Variants in CREBBP observed in about 807,000 individuals in gnomAD.
CREBBP encodes the protein CREB binding lysine acetyltransferase.
In CREBBP, 19 loss-of-function variants were observed where a neutral mutation model predicts 265.0. The observed-to-expected ratio is 0.07, with a 90% CI of 0.05 to 0.11. The LOEUF is 0.11. CREBBP is among the 10% of genes least tolerant of loss of function. The pLI is 1.00. For synonymous variants in CREBBP, 1,457 were observed against 1,223.7 expected (o/e 1.19, Z -3.98); for missense variants, 2,525 against 3,219.0 (o/e 0.78, Z 5.22).
rs2151311763 is a variant in CREBBP, at chr16:3,729,735, C to T, written c.5312G>A (p.Ser1771Asn). ...CAGCGACTGGATGCAGCGCTGGATG[C>T]TCAGCCGGCGTGACTCCTGGGGGCT... The part of the protein sequence containing the change: ...SKSPQESRRL[S>N]IQRCIQSLVH... The change falls in exon 31 of 31, where the codon AGC becomes AAC. Residue 1771 changes from serine (S) to asparagine (N), a missense_variant. Physicochemically the swap from Ser to Asn is conservative, Grantham distance 46. Around this residue, in one of 19 missense-constraint regions of CREBBP, gnomAD observed 62 missense variants for 156.2 expected, o/e 0.40. Transcript: ENST00000262367. 6.2e-7 allele frequency: 1 copy of T among 1,609,320 alleles called. No homozygotes were observed.
chr16:3,852,061 A>T, intron 1 of CREBBP, among the ~76,000 whole-genome samples: 1 of 140,362 alleles, frequency 7.1e-6, no homozygotes, highest in African/African-American at 2.6e-5. Context: ...AAAAAAAAAA[A>T]AAAAAAAAAA....
At chr16:3,853,992 AAAG>A (rs1379979955) in intron 1 of CREBBP, among the ~76,000 whole-genome samples, 1 of 151,038 alleles carries the variant, frequency 6.6e-6, no homozygotes, top group African/African-American at 2.5e-5. Context: ...ACGAAAAAGA[AAAG>A]AAAATTAAAA....
chr16:3,791,492 T>C (rs142077652), intron 5 of CREBBP, among the ~76,000 whole-genome samples: 1 of 152,148 alleles, frequency 6.6e-6, no homozygotes, highest in Admixed American at 6.5e-5. Flanking sequence ...TTCATAAATG[T>C]CTGTGTGGGA....
rs150229705 is a variant in CREBBP at position 3,850,762 on chromosome 16, G to A, written c.333C>T (p.Asn111=). Reference sequence around the variant, plus strand: ...TGCCCATGGCACTGAGGCTGGCCATGTTAGCACTGTTCGGCTGCCCTTGAG... The same window carrying A: ...TGCCCATGGCACTGAGGCTGGCCATATTAGCACTGTTCGGCTGCCCTTGAG... ...GQAQGQPNSA[N]MASLSAMGKS... Residue 111 remains asparagine (N), a synonymous_variant, in exon 2 of 31, where the codon AAC becomes AAT. Transcript: ENST00000262367. The A allele has an allele frequency of 5.4e-4, 868 of 1,614,094 alleles. 2 individuals carry two copies. The African/African-American group carries it at 0.01, about 19-fold the overall frequency.
At chr16:3,863,913 G>C (rs959243774) in intron 1 of CREBBP, among the ~76,000 whole-genome samples, 6 of 147,786 alleles carry the variant, frequency 4.1e-5, no homozygotes, top group Admixed American at 6.8e-5. Flanking sequence ...ATCTGGGACA[G>C]GGGAGCAAAA....
intron 3 of CREBBP, among the ~76,000 whole-genome samples, chr16:3,810,321 T>A (rs977345996): frequency 6.6e-6 from 1 of 152,218 alleles, no homozygotes; most frequent in Non-Finnish European, 1.5e-5. Flanking sequence ...TTCTCATGAT[T>A]CTGGAGAGAA....
chr16:3,794,656 G>A (rs1394064726), intron 3 of CREBBP, among the ~76,000 whole-genome samples: 3 of 152,126 alleles, frequency 2.0e-5, no homozygotes, highest in Non-Finnish European at 1.5e-5. Flanking sequence ...ATACAGAAAG[G>A]GTTTGCTTTC....
intron 1 of CREBBP, among the ~76,000 whole-genome samples, chr16:3,854,051 A>T (rs1352690355): frequency 2.0e-5 from 3 of 152,154 alleles, no homozygotes; most frequent in Non-Finnish European, 4.4e-5. Context: ...CTCACCCAAT[A>T]CCCCTGGCCC....
chr16:3,777,515 G>C, intron 11 of CREBBP, 98 bp downstream of exon 11: 2 of 1,252,998 alleles, frequency 1.6e-6, no homozygotes, highest in Admixed American at 3.4e-5. Flanking sequence ...AAGAAGAAAG[G>C]GTTAGAAAGA....
intron 19 of CREBBP, among the ~76,000 whole-genome samples, chr16:3,752,040 C>T (rs1279080353): frequency 4.6e-5 from 7 of 152,138 alleles, no homozygotes; most frequent in Admixed American, 3.3e-4. Flanking sequence ...GACGCAGACA[C>T]CAAGACAACA....
intron 1 of CREBBP, among the ~76,000 whole-genome samples, chr16:3,877,794 G>A (rs1012579148): frequency 2.0e-5 from 3 of 152,230 alleles, no homozygotes; most frequent in African/African-American, 7.2e-5. Context: ...TGATGAATGT[G>A]TAACACATGA....
intron 3 of CREBBP, among the ~76,000 whole-genome samples, chr16:3,805,389 T>C (rs1199810674): frequency 6.6e-6 from 1 of 152,224 alleles, no homozygotes; most frequent in African/African-American, 2.4e-5. Context: ...CACAGAACTC[T>C]GTAAGGACTC....
intron 1 of CREBBP, among the ~76,000 whole-genome samples, chr16:3,851,709 C>A (rs889514240): frequency 2.6e-5 from 4 of 151,740 alleles, no homozygotes; most frequent in African/African-American, 9.7e-5. Flanking sequence ...AAAAAATTAG[C>A]CGGGCGCGGT....
chr16:3,736,165 A>C lies in CREBBP; in HGVS notation c.4599T>G (p.Ser1533Arg). The change falls in exon 28 of 31, where the codon AGT becomes AGG. Residue 1533 changes from serine (S) to arginine (R), a missense_variant. Physicochemically the swap from Ser to Arg is moderately radical, Grantham distance 110. Transcript: ENST00000262367. ...FKQATEDRLT[S>R]AKELPYFEGD... is the part of the protein sequence containing the mutation. The stretch of plus-strand genomic sequence containing the variant: ...CTTCAAAATAGGGCAGTTCCTTGGC[A>C]CTGGTGAGCCTGTCTTCAGTTGCTT... The C allele has an allele frequency of 6.2e-7, 1 of 1,614,210 alleles. No homozygotes were observed. The highest frequency in any genetic ancestry group is 8.5e-7 in the Non-Finnish European group (1 of 1,180,036).
At chr16:3,830,818 C>T (rs538453322) in intron 2 of CREBBP, among the ~76,000 whole-genome samples, 24 of 152,088 alleles carry the variant, frequency 1.6e-4, no homozygotes, top group Non-Finnish European at 3.1e-4. Context: ...AGTCTTGCTC[C>T]GTACCCAGGC....
intron 21 of CREBBP, among the ~76,000 whole-genome samples, chr16:3,748,489 T>C (rs946697874): frequency 1.3e-5 from 2 of 152,244 alleles, no homozygotes; most frequent in East Asian, 3.9e-4. Flanking sequence ...CATGTGCTGG[T>C]AGAGATGAAG....
intron 16 of CREBBP, among the ~76,000 whole-genome samples, chr16:3,759,341 C>A (rs1268653650): frequency 1.3e-5 from 2 of 152,124 alleles, no homozygotes; most frequent in African/African-American, 4.8e-5. Flanking sequence ...GTAATCCCAG[C>A]ACTTTGGGAG....
chr16:3,847,724 C>A (rs1413298864), intron 2 of CREBBP, among the ~76,000 whole-genome samples: 2 of 152,182 alleles, frequency 1.3e-5, no homozygotes, highest in Non-Finnish European at 2.9e-5. Flanking sequence ...CAAAGTCCAA[C>A]TTCTGGAAGA....
At position 3,757,790 on chromosome 16, in the gene CREBBP, GA is replaced by G; in HGVS notation, c.3609+18del. 6.2e-7 allele frequency: 1 copy of G among 1,613,546 alleles called. No homozygotes were observed. The highest frequency in any genetic ancestry group is 8.5e-7 in the Non-Finnish European group (1 of 1,180,034). The stretch of plus-strand genomic sequence containing the variant: ...ATTAACCAGGAAAATTCACTTTCCG[GA>G]AAAACTTAAAACTGTACCTTGCGTC... On this transcript the variant is annotated intron_variant, in intron 18 of 30. Transcript: ENST00000262367.
Sources: gnomAD v4.1 joint callset for allele counts (sites outside exome capture counted in the v4.1 genomes callset) on GRCh38, gnomAD v4.1.1 for gene constraint, gnomAD v4.1.1 regional missense constraint, MANE v1.5 for transcripts, NCBI Gene and HGNC (gene_info 2026-07-23, HGNC 2026-07-21) for gene names.